The following ZDHHC23 variants were observed in gnomAD, a reference collection of about 807,000 sequenced individuals.
The protein encoded by ZDHHC23 is palmitoyltransferase ZDHHC23.
ZDHHC23 carries 41 observed loss-of-function variants against 40.2 expected under a neutral mutation model. The ratio of observed to expected loss-of-function variants is 1.02; its 90% CI spans 0.79 to 1.32. The LOEUF (loss-of-function observed/expected upper bound fraction) is 1.32. Among genes scored for constraint, ZDHHC23 ranks in the 40% most tolerant of loss-of-function variants. The probability of loss-of-function intolerance (pLI) is 0.00; values close to 1 mark genes in which losing one functional copy is unlikely to be tolerated. For synonymous variants in ZDHHC23, 204 were observed against 210.2 expected (o/e 0.97, Z 0.26); for missense variants, 471 against 541.5 (o/e 0.87, Z 1.29).
chr3:113,957,835 G>C (rs374318702), intron 4 of ZDHHC23: 1 of 518,560 alleles, frequency 1.9e-6, no homozygotes, highest in South Asian at 1.4e-5. Context: ...GGAATGTCTC[G>C]GTGTTCCTAC....
At chr3:113,955,359 C>CGTGTGTGTGTGT (rs68123933) in intron 3 of ZDHHC23, among the ~76,000 whole-genome samples, 8 of 147,406 alleles carry the variant, frequency 5.4e-5, no homozygotes, top group African/African-American at 2.0e-4. Context: ...TTCACTTATT[C>CGTGTGTGTGTGT]GTGTGTGTGT....
chr3:113,956,058 A>G (rs905193990), intron 3 of ZDHHC23, among the ~76,000 whole-genome samples: 2 of 152,178 alleles, frequency 1.3e-5, no homozygotes, highest in East Asian at 3.8e-4. Context: ...CCTGGCCAAC[A>G]TGGTGAAACC....
At chr3:113,948,415 C>T (rs1938316518) in intron 1 of ZDHHC23, 1 of 208,172 alleles carries the variant, frequency 4.8e-6, no homozygotes, top group East Asian at 1.1e-4. Context: ...CCACCAGCGC[C>T]CAGGCTTGGA....
intron 2 of ZDHHC23, among the ~76,000 whole-genome samples, chr3:113,950,844 A>G (rs1314394648): frequency 6.6e-6 from 1 of 152,224 alleles, no homozygotes; most frequent in Admixed American, 6.5e-5. Flanking sequence ...GTGCTTCCAC[A>G]ATACGATGGT....
chr3:113,971,087 G>A, the ZDHHC23 span, among the ~76,000 whole-genome samples: 3 of 152,130 alleles, frequency 2.0e-5, no homozygotes, highest in African/African-American at 7.2e-5. Flanking sequence ...ACCCAGTAAC[G>A]GGATGGGTGG....
chr3:113,961,967 G>C lies in ZDHHC23; in HGVS notation c.*3337G>C, dbSNP rs1939710460. 3 of 152,620 alleles carry C rather than the reference G, an allele frequency of 2.0e-5. No homozygotes were observed. The highest frequency in any genetic ancestry group is 4.4e-5 in the Non-Finnish European group (3 of 68,040). The allele number at this position is 152,620 out of a possible 1,614,324, so 9.5% of individuals were successfully genotyped here. On this transcript the variant is annotated 3_prime_UTR_variant, in exon 5 of 5. Coordinates refer to ENST00000638807, the MANE Select transcript of ZDHHC23 (RefSeq NM_001320466.2). ...CAGGATGTTTAAAAATTACAGTTTT[G>C]TGAGACTTAAGGGTCTTTTTAACCT... is the stretch of plus-strand genomic sequence containing the variant.
chr3:113,954,114 A>G lies in ZDHHC23; in HGVS notation c.576A>G (p.Pro192=). Residue 192 remains proline (P), a synonymous_variant, in exon 3 of 5, where the codon CCA becomes CCG. Transcript: ENST00000638807. ...LLALHRAKKN[P]GYLSNPASGD... ...CCTTGCACAGAGCCAAGAAGAATCC[A>G]GGCTACCTCAGCAATCCAGCAAGCG... 1 of 1,614,242 alleles carries G rather than the reference A, an allele frequency of 6.2e-7. No homozygotes were observed. The highest frequency in any genetic ancestry group is 1.1e-5 in the South Asian group (1 of 91,078).
downstream of ZDHHC23, chr3:113,964,003 C>T (rs11918321): frequency 4.5e-3 from 676 of 151,478 alleles, 7 homozygotes; most frequent in African/African-American, 0.016. Flanking sequence ...ACAGCCATGT[C>T]GTAGAAGAAA....
At chr3:113,955,391 T>TGTGTGTGC (rs58421915) in intron 3 of ZDHHC23, among the ~76,000 whole-genome samples, 5,885 of 149,020 alleles carry the variant, frequency 0.039, 390 homozygotes, top group African/African-American at 0.14. Flanking sequence ...TGTGTGTGTG[T>TGTGTGTGC]GCGTGTGTGT....
chr3:113,948,788 T>G lies in ZDHHC23; in HGVS notation c.-15T>G. 6.2e-7 allele frequency: 1 copy of G among 1,613,972 alleles called. No homozygotes were observed. Among genetic ancestry groups the G allele is most frequent in the South Asian group, 1.1e-5 (1 of 91,078 alleles). The stretch of plus-strand genomic sequence containing the variant: ...TCTGAGGGCTTCTTACGCCTCATGG[T>G]GACAGGTGCAAATCATGACACAGAA... On this transcript the variant is annotated 5_prime_UTR_variant, in exon 2 of 5. Coordinates refer to ENST00000638807, the MANE Select transcript of ZDHHC23 (RefSeq NM_001320466.2).
chr3:113,972,942 G>A, the ZDHHC23 span, among the ~76,000 whole-genome samples: 1 of 152,030 alleles, frequency 6.6e-6, no homozygotes, highest in African/African-American at 2.4e-5. Context: ...GTCTATGTAT[G>A]TCTTTACAGG....
rs1190237933 is a variant in ZDHHC23 at position 113,962,702 on chromosome 3, T to C, written c.*4072T>C. The C allele has an allele frequency of 6.6e-6, 1 of 152,222 alleles. No homozygotes were observed. The highest frequency in any genetic ancestry group is 1.9e-4 in the East Asian group (1 of 5,204). 9.4% of individuals were successfully genotyped at this position (152,222 alleles called of 1,614,324 possible). A position where few individuals can be genotyped will look rare whatever the true frequency, so the allele number is the denominator to read the frequency against. On this transcript the variant is annotated 3_prime_UTR_variant, in exon 5 of 5. Coordinates refer to ENST00000638807, the MANE Select transcript of ZDHHC23 (RefSeq NM_001320466.2). ...TTTATTGCATATCTGGGTTGGATGT[T>C]AGACTAAAGGAAACCCAGGAATATT...
chr3:113,966,596 T>C (rs553560839), downstream of ZDHHC23, among the ~76,000 whole-genome samples: 97 of 152,292 alleles, frequency 6.4e-4, no homozygotes, highest in Non-Finnish European at 1.1e-3. Flanking sequence ...GAGAATAGCA[T>C]GCCGTGGTGT....
chr3:113,950,848 C>T lies in ZDHHC23; in HGVS notation c.161+1885C>T, dbSNP rs557722833. ...AAACAAGTTAGGTGCTTCCACAATA[C>T]GATGGTAGGACATGCATAGAATAGA... is the stretch of plus-strand genomic sequence containing the variant. On this transcript the variant is annotated intron_variant, in intron 2 of 4. Transcript: ENST00000638807. Among the ~76,000 whole-genome samples the T allele has an allele frequency of 2.6e-5, 4 of 152,268 alleles. No individual in the cohort carries two copies. In the East Asian group the frequency reaches 5.8e-4, roughly 22 times the overall value.
At chr3:113,956,067 C>T (rs1939198001) in intron 3 of ZDHHC23, among the ~76,000 whole-genome samples, 1 of 152,058 alleles carries the variant, frequency 6.6e-6, no homozygotes, top group African/African-American at 2.4e-5. Flanking sequence ...CATGGTGAAA[C>T]CCCATCTCTA....
At chr3:113,978,757 G>GA in the ZDHHC23 span, 3 of 1,308,726 alleles carry the variant, frequency 2.3e-6, no homozygotes, top group Non-Finnish European at 2.1e-6. Context: ...TTTTGTTCTT[G>GA]AAAAAACATA....
chr3:113,963,256 A>G lies in ZDHHC23; in HGVS notation c.*4626A>G, dbSNP rs1227458924. On this transcript the variant is annotated 3_prime_UTR_variant, in exon 5 of 5. Transcript: ENST00000638807. The stretch of plus-strand genomic sequence containing the variant: ...AACTATTTCCATTGTATCTCTTTAG[A>G]AGGCTCTGTATTCGGTAAAAAGTCT... The G allele has an allele frequency of 6.6e-6, 1 of 152,182 alleles. No individual in the cohort carries two copies. Among genetic ancestry groups the G allele is most frequent in the Non-Finnish European group, 1.5e-5 (1 of 68,044 alleles). The allele number at this position is 152,182 out of a possible 1,614,324, so 9.4% of individuals were successfully genotyped here. A position where few individuals can be genotyped will look rare whatever the true frequency, so the allele number is the denominator to read the frequency against.
chr3:113,964,099 A>C (rs1165509459), downstream of ZDHHC23: 3 of 152,116 alleles, frequency 2.0e-5, no homozygotes, highest in African/African-American at 4.8e-5. Context: ...GTACAGCTAG[A>C]TATCCTTTCT....
chr3:113,967,048 G>A (rs1341438837), downstream of ZDHHC23, among the ~76,000 whole-genome samples: 1 of 152,076 alleles, frequency 6.6e-6, no homozygotes, highest in African/African-American at 2.4e-5. Context: ...GCAGTGAGCC[G>A]AGATCAAGCC....
Sources: allele counts gnomAD v4.1 joint callset (sites outside exome capture counted in the v4.1 genomes callset), GRCh38; gene constraint gnomAD v4.1.1; transcripts MANE v1.5; gene names NCBI Gene and HGNC (gene_info 2026-07-23, HGNC 2026-07-21).